CTDSPL2: variants seen among roughly 807,000 people sequenced by gnomAD.
The protein encoded by CTDSPL2 is CTD small phosphatase-like protein 2.
Under a neutral mutation model 60.0 loss-of-function variants are expected in CTDSPL2, and 5 were observed. The observed-to-expected ratio is 0.08, with a 90% CI of 0.04 to 0.18. CTDSPL2 has a LOEUF of 0.18. Ranked by LOEUF, CTDSPL2 falls within the 10% of genes least tolerant of loss-of-function variation. CTDSPL2 has a pLI of 1.00. For synonymous variants in CTDSPL2, 186 were observed against 189.3 expected (o/e 0.98, Z 0.14); for missense variants, 370 against 548.8 (o/e 0.67, Z 3.26).
chr15:44,502,135 A>T (rs2081391209), intron 8 of CTDSPL2: 2 of 217,594 alleles, frequency 9.2e-6, no homozygotes, highest in Non-Finnish European at 1.9e-5. Flanking sequence ...ATATACTCTT[A>T]TTTTTTAAAA....
chr15:44,429,489 C>T (rs940178801), intron 1 of CTDSPL2, among the ~76,000 whole-genome samples: 2 of 152,084 alleles, frequency 1.3e-5, no homozygotes, highest in Non-Finnish European at 2.9e-5. Context: ...CATTGTAGAC[C>T]TTGTTTTCAA....
intron 1 of CTDSPL2, chr15:44,448,757 A>G: frequency 2.8e-6 from 1 of 353,118 alleles, no homozygotes; most frequent in South Asian, 2.6e-5. Flanking sequence ...CCTGGTCCTA[A>G]CCCTGTTCCA....
rs1040443771 is a variant in CTDSPL2 at position 44,523,345 on chromosome 15, A to G, written c.1336-764A>G. Among the ~76,000 whole-genome samples, 3 of 152,228 alleles carry G rather than the reference A, an allele frequency of 2.0e-5. No individual in the cohort carries two copies. In the East Asian group the frequency reaches 5.8e-4, roughly 29 times the overall value. On this transcript the variant is annotated intron_variant, in intron 12 of 12. Coordinates refer to ENST00000260327, the MANE Select transcript of CTDSPL2 (RefSeq NM_016396.3). ...TAAGGTGGGAGGATTGCTTGAGGCCAGGAGTTTGAGACTAGCCAGGGCAAC... is the reference window on the plus strand; with the variant it reads ...TAAGGTGGGAGGATTGCTTGAGGCCGGGAGTTTGAGACTAGCCAGGGCAAC...
At chr15:44,447,894 C>T (rs1444691102) in intron 1 of CTDSPL2, 1 of 155,634 alleles carries the variant, frequency 6.4e-6, no homozygotes, top group Non-Finnish European at 1.4e-5. Flanking sequence ...GACATGGCCA[C>T]CACCATCCAT....
At chr15:44,507,660 G>A (rs890880364) in intron 8 of CTDSPL2, among the ~76,000 whole-genome samples, 6 of 152,160 alleles carry the variant, frequency 3.9e-5, no homozygotes, top group Non-Finnish European at 7.3e-5. Context: ...CTAAGAACAT[G>A]TGAACTAAAT....
intron 2 of CTDSPL2, among the ~76,000 whole-genome samples, chr15:44,467,298 T>A (rs1490972999): frequency 2.6e-5 from 4 of 152,190 alleles, no homozygotes; most frequent in Non-Finnish European, 5.9e-5. Flanking sequence ...TTGTCATCAC[T>A]GGGACTTATT....
chr15:44,429,959 T>G lies in CTDSPL2; in HGVS notation c.-25+2187T>G, dbSNP rs184389996. 4.5e-3 allele frequency among the ~76,000 whole-genome samples: 683 copies of G among 152,362 alleles called. 4 individuals are homozygous for G. Among genetic ancestry groups the G allele is most frequent in the African/African-American group, 0.016 (649 of 41,580 alleles). On this transcript the variant is annotated intron_variant, in intron 1 of 12. Transcript: ENST00000260327. ...AAATCTAAATAGGATTGCATAGGAA[T>G]GTCAGGGTTTGTATGTTTCACAAGA...
intron 2 of CTDSPL2, among the ~76,000 whole-genome samples, chr15:44,466,563 AT>A (rs1272048122): frequency 5.3e-5 from 8 of 152,212 alleles, no homozygotes; most frequent in Admixed American, 3.3e-4. Context: ...CATAGTACTT[AT>A]GTGAATCTAG....
At chr15:44,476,861 C>G (rs979616740) in intron 2 of CTDSPL2, among the ~76,000 whole-genome samples, 7 of 152,084 alleles carry the variant, frequency 4.6e-5, no homozygotes, top group African/African-American at 1.7e-4. Flanking sequence ...TAATAATTTA[C>G]TAAATCATAA....
At chr15:44,448,066 G>C (rs531112650) in intron 1 of CTDSPL2, 10 of 243,384 alleles carry the variant, frequency 4.1e-5, no homozygotes, top group Non-Finnish European at 7.6e-5. Context: ...CTCCAGGCCA[G>C]TGGCCATGTG....
intron 2 of CTDSPL2, among the ~76,000 whole-genome samples, chr15:44,472,230 A>G (rs920150543): frequency 7.2e-5 from 11 of 152,164 alleles, no homozygotes; most frequent in African/African-American, 2.7e-4. Flanking sequence ...GGGTTATATG[A>G]TAACTTTGTG....
intron 8 of CTDSPL2, among the ~76,000 whole-genome samples, chr15:44,507,541 G>A (rs1440501735): frequency 2.0e-5 from 3 of 152,170 alleles, no homozygotes; most frequent in African/African-American, 7.2e-5. Context: ...GATTACTACT[G>A]TAACATCACT....
intron 1 of CTDSPL2, among the ~76,000 whole-genome samples, chr15:44,445,210 G>T (rs1478424703): frequency 6.6e-6 from 1 of 150,834 alleles, no homozygotes; most frequent in African/African-American, 2.4e-5. Context: ...TTGAGACAGA[G>T]TCTCACTCCG....
At chr15:44,503,449 T>G in intron 8 of CTDSPL2, 1 of 152,162 alleles carries the variant, frequency 6.6e-6, no homozygotes, top group Non-Finnish European at 1.5e-5. Context: ...ATCCACCAAT[T>G]CAAGACTCTA....
At chr15:44,512,542 G>A (rs2081584176) in intron 8 of CTDSPL2, among the ~76,000 whole-genome samples, 1 of 152,140 alleles carries the variant, frequency 6.6e-6, no homozygotes, top group South Asian at 2.1e-4. Flanking sequence ...TGATTAAAAT[G>A]ATTTTGTTAG....
At chr15:44,462,554 T>G (rs1354713869) in intron 2 of CTDSPL2, among the ~76,000 whole-genome samples, 1 of 151,930 alleles carries the variant, frequency 6.6e-6, no homozygotes, top group Non-Finnish European at 1.5e-5. Context: ...TTGCTACTAT[T>G]GATCTGACAG....
At chr15:44,435,256 CAAAAAAAAAAA>C (rs35787192) in intron 1 of CTDSPL2, among the ~76,000 whole-genome samples, 3 of 46,066 alleles carry the variant, frequency 6.5e-5, no homozygotes, top group Admixed American at 4.5e-4. Flanking sequence ...GACTCCGTCT[CAAAAAAAAAAA>C]AAAAAAAAAA....
intron 8 of CTDSPL2, chr15:44,502,086 A>G: frequency 2.6e-6 from 1 of 390,830 alleles, no homozygotes; most frequent in Non-Finnish European, 5.1e-6. Context: ...CTGTACTATG[A>G]TGTGGCCCAC....
chr15:44,434,065 A>C (rs2079920318), intron 1 of CTDSPL2, among the ~76,000 whole-genome samples: 1 of 150,992 alleles, frequency 6.6e-6, no homozygotes, highest in South Asian at 2.1e-4. Flanking sequence ...TTTTAGAAAA[A>C]TCATTGTTAT....
Sources: allele counts gnomAD v4.1 joint callset (sites outside exome capture counted in the v4.1 genomes callset), GRCh38; gene constraint gnomAD v4.1.1; transcripts MANE v1.5; gene names NCBI Gene and HGNC (gene_info 2026-07-23, HGNC 2026-07-21).